CDH4: variants seen among roughly 807,000 people sequenced by gnomAD.
CDH4 encodes the protein cadherin-4.
CDH4 carries 33 observed loss-of-function variants against 86.0 expected under a neutral mutation model. The observed-to-expected ratio is 0.38, with a 90% confidence interval of 0.29 to 0.51. The LOEUF (loss-of-function observed/expected upper bound fraction) is 0.51. CDH4 is among the 20% of genes least tolerant of loss of function. CDH4 has a pLI of 0.86. For missense variants in CDH4, 1,114 were observed against 1,307.4 expected, an observed-to-expected ratio of 0.85 and a Z score of 2.28; for synonymous variants, 555 against 549.4, an observed-to-expected ratio of 1.01 and a Z score of -0.14.
In CDH4 at chr20:61,565,233, G is replaced by GTCCTCT. The variant is rs1333317509; in HGVS notation, c.170-178329_170-178328insCCTCTT. Among the ~76,000 whole-genome samples the GTCCTCT allele has an allele frequency of 2.1e-4, 10 of 46,760 alleles. 2 individuals are homozygous for GTCCTCT. Among genetic ancestry groups the GTCCTCT allele is most frequent in the African/African-American group, 3.8e-4 (3 of 7,992 alleles). 30.7% of individuals were successfully genotyped at this position (46,760 alleles called of 152,430 possible). Reference sequence around the variant, plus strand: ...GTGCTCTCGGTGGTAGGTGGTGGTGGTGGTGGTGGCGGTGCTCTTGGTGAT... The same window carrying GTCCTCT: ...GTGCTCTCGGTGGTAGGTGGTGGTGGTCCTCTTGGTGGTGGCGGTGCTCTTGGTGAT... On this transcript the variant is annotated intron_variant, in intron 2 of 15. Transcript: ENST00000614565.
At chr20:61,716,785 G>A (rs1011702341) in intron 2 of CDH4, among the ~76,000 whole-genome samples, 1 of 152,152 alleles carries the variant, frequency 6.6e-6, no homozygotes, top group African/African-American at 2.4e-5. Flanking sequence ...GTGGGTGCCT[G>A]TAATCCCAGC....
chr20:61,336,692 CA>C (rs1394297701), intron 2 of CDH4, among the ~76,000 whole-genome samples: 5 of 152,168 alleles, frequency 3.3e-5, no homozygotes, highest in African/African-American at 1.2e-4. Context: ...GGGAGATTGT[CA>C]ATGTAGATTC....
intron 2 of CDH4, among the ~76,000 whole-genome samples, chr20:61,556,115 G>A (rs991665309): frequency 3.9e-5 from 6 of 152,180 alleles, no homozygotes; most frequent in Non-Finnish European, 7.3e-5. Context: ...CAGAGCAGCC[G>A]TGACCACAGA....
rs1369790858 is a variant in CDH4 at position 61,269,512 on chromosome 20, G to A, written c.169+14575G>A. Among the ~76,000 whole-genome samples the A allele has an allele frequency of 6.6e-6, 1 of 152,150 alleles. No homozygotes were observed. The highest frequency in any genetic ancestry group is 1.5e-5 in the Non-Finnish European group (1 of 68,028). On this transcript the variant is annotated intron_variant, in intron 2 of 15. Transcript: ENST00000614565. The surrounding 1 kb of genome is among the most constrained non-coding windows in gnomAD (Gnocchi z 5.3). The stretch of plus-strand genomic sequence containing the variant: ...TCATGAGGGCCTGGAAGACCCAGCA[G>A]GGTGATCCGTGTCCCTGTGTATGGA...
chr20:61,543,639 G>A (rs2145659080), intron 2 of CDH4, among the ~76,000 whole-genome samples: 1 of 152,348 alleles, frequency 6.6e-6, no homozygotes, highest in East Asian at 1.9e-4. Flanking sequence ...TGTCCCTGCT[G>A]AGACAAGGGC....
At chr20:61,411,847 C>T (rs374015473) in intron 2 of CDH4, among the ~76,000 whole-genome samples, 6 of 152,178 alleles carry the variant, frequency 3.9e-5, no homozygotes, top group East Asian at 1.9e-4. Context: ...AGCCAGGCCC[C>T]GATCAGTGCC....
intron 15 of CDH4, 80 bp downstream of exon 15, chr20:61,934,300 A>G: frequency 1.4e-6 from 2 of 1,431,784 alleles, no homozygotes; most frequent in South Asian, 2.8e-5. Flanking sequence ...CACAGAAGCC[A>G]TCTCCACAGT....
chr20:61,580,367 A>G (rs2086416313), intron 2 of CDH4, among the ~76,000 whole-genome samples: 1 of 152,146 alleles, frequency 6.6e-6, no homozygotes, highest in Admixed American at 6.5e-5. Context: ...AGGCAGGAGA[A>G]TTGCTGGCCA....
intron 2 of CDH4, among the ~76,000 whole-genome samples, chr20:61,692,843 T>G (rs922883574): frequency 6.8e-5 from 10 of 146,634 alleles, no homozygotes; most frequent in South Asian, 6.7e-4. Context: ...TGTTTTTTGT[T>G]TTTTTTTTTG....
rs765547106 is a variant in CDH4, at chr20:61,283,000, G to A, written c.169+28063G>A. ...GTGCTGTGGCGTGTGATGTACGTGCGTTTGCACGCGCGTGCTGTGGCGTGT... is the reference window on the plus strand; with the variant it reads ...GTGCTGTGGCGTGTGATGTACGTGCATTTGCACGCGCGTGCTGTGGCGTGT... On this transcript the variant is annotated intron_variant, in intron 2 of 15. Coordinates refer to ENST00000614565, the MANE Select transcript of CDH4 (RefSeq NM_001794.5). 1.3e-3 allele frequency among the ~76,000 whole-genome samples: 44 copies of A among 34,948 alleles called. 5 individuals are homozygous for A. Among genetic ancestry groups the A allele is most frequent in the Non-Finnish European group, 1.5e-3 (24 of 16,250 alleles). 22.9% of individuals were successfully genotyped at this position (34,948 alleles called of 152,430 possible). A position where few individuals can be genotyped will look rare whatever the true frequency, so the allele number is the denominator to read the frequency against.
At chr20:61,435,469 AG>A (rs111587247) in intron 2 of CDH4, among the ~76,000 whole-genome samples, 11,210 of 152,290 alleles carry the variant, frequency 0.074, 678 homozygotes, top group African/African-American at 0.16. Context: ...GCCCGGCTGC[AG>A]GGTGCTGCTT....
At chr20:61,667,780 G>A (rs1046554183) in intron 2 of CDH4, among the ~76,000 whole-genome samples, 10 of 152,220 alleles carry the variant, frequency 6.6e-5, no homozygotes, top group African/African-American at 2.2e-4. Flanking sequence ...CTGGGTCCTC[G>A]GTGAGTTTCC....
intron 2 of CDH4, among the ~76,000 whole-genome samples, chr20:61,734,948 C>T (rs887660722): frequency 2.0e-5 from 3 of 152,158 alleles, no homozygotes; most frequent in African/African-American, 7.2e-5. Context: ...AATCTCCCTG[C>T]GCTGGGTGGG....
chr20:61,691,802 C>T (rs533405474), intron 2 of CDH4, among the ~76,000 whole-genome samples: 2 of 152,360 alleles, frequency 1.3e-5, no homozygotes, highest in South Asian at 4.1e-4. Context: ...GGGCCCACCA[C>T]CGTGTCTATG....
At chr20:61,768,107 A>T (rs1600967138) in intron 3 of CDH4, among the ~76,000 whole-genome samples, 1 of 152,168 alleles carries the variant, frequency 6.6e-6, no homozygotes, top group African/African-American at 2.4e-5. Context: ...GCTTGAGCTA[A>T]ACTGTCAGGA....
chr20:61,651,143 G>A (rs551658286), intron 2 of CDH4, among the ~76,000 whole-genome samples: 8 of 151,856 alleles, frequency 5.3e-5, no homozygotes, highest in Admixed American at 1.3e-4. Context: ...TGGTGTGCTC[G>A]TGTGAGTGAG....
At chr20:61,737,093 G>A (rs1450419813) in intron 2 of CDH4, among the ~76,000 whole-genome samples, 1 of 152,118 alleles carries the variant, frequency 6.6e-6, no homozygotes, top group Non-Finnish European at 1.5e-5. Context: ...GTTGCTCCTC[G>A]TGTTGCTTGG....
Position 61,811,632 on chromosome 20 carries a change from C to T in CDH4, c.577-33036C>T, listed in dbSNP as rs943022200. On this transcript the variant is annotated intron_variant, in intron 4 of 15. Coordinates refer to ENST00000614565, the MANE Select transcript of CDH4 (RefSeq NM_001794.5). This position sits in a 1 kb window ranked among gnomAD's most constrained non-coding sequence, Gnocchi z 4.4. Reference sequence around the variant, plus strand: ...ACAAATGAGCCCAGCCACTGCCACCCGGGGTCACGCCCCTGCCACCCGGGG... The same window carrying T: ...ACAAATGAGCCCAGCCACTGCCACCTGGGGTCACGCCCCTGCCACCCGGGG... Among the ~76,000 whole-genome samples, 133 of 151,102 alleles carry T rather than the reference C, an allele frequency of 8.8e-4. No individual in the cohort carries two copies. Among genetic ancestry groups the T allele is most frequent in the African/African-American group, 3.1e-3 (128 of 41,156 alleles).
intron 2 of CDH4, among the ~76,000 whole-genome samples, chr20:61,416,050 C>T (rs1352067885): frequency 1.4e-5 from 2 of 141,660 alleles, no homozygotes; most frequent in Non-Finnish European, 3.0e-5. Context: ...CTTGCTCTGT[C>T]ACCCAAGCTG....
Sources: gnomAD v4.1 joint callset for allele counts (sites outside exome capture counted in the v4.1 genomes callset) on GRCh38, gnomAD v4.1.1 for gene constraint, Gnocchi (gnomAD v3.1) non-coding constraint, MANE v1.5 for transcripts, NCBI Gene and HGNC (gene_info 2026-07-23, HGNC 2026-07-21) for gene names.